The following HINFP variants were observed in gnomAD, a reference collection of about 807,000 sequenced individuals.
The protein encoded by HINFP is MBD2 (methyl-CpG-binding protein)-interacting zinc finger protein.
Under a neutral mutation model 50.1 loss-of-function variants are expected in HINFP, and 20 were observed. That is an observed-to-expected ratio of 0.40 (90% confidence interval 0.28 to 0.58). The LOEUF (loss-of-function observed/expected upper bound fraction) is 0.58, where lower values mean the gene tolerates loss of function less well. Ranked by LOEUF, HINFP falls within the 20% of genes least tolerant of loss-of-function variation. The pLI is 0.45. For synonymous variants in HINFP, 247 were observed against 243.7 expected (o/e 1.01, Z -0.13); for missense variants, 505 against 664.1 (o/e 0.76, Z 2.63).
intron 1 of HINFP, 75 bp from the exon 2 acceptor site, chr11:119,126,860 G>T: frequency 7.3e-7 from 1 of 1,374,166 alleles, no homozygotes; most frequent in South Asian, 1.4e-5. Context: ...TAGGCAGGCT[G>T]CCTGCCCAGC....
chr11:119,130,862 G>C lies in HINFP; in HGVS notation c.319G>C (p.Ala107Pro), dbSNP rs1271795107. 8.1e-6 allele frequency: 13 copies of C among 1,614,098 alleles called. 1 individual carries two copies. The highest frequency in any genetic ancestry group is 1.1e-5 in the Non-Finnish European group (13 of 1,180,040). Residue 107 changes from alanine to proline, a missense_variant, in exon 3 of 10, where the codon GCT becomes CCT. By Grantham distance (27) the Ala-to-Pro change is conservative (BLOSUM62 -1). Transcript: ENST00000350777. ...QWGLQALQSQ[A>P]DLGPCILDFQ... ...GGGGCTGCAGGCCTTGCAAAGCCAG[G>C]CTGACCTTGGCCCCTGCATCCTGGA... is the stretch of plus-strand genomic sequence containing the variant.
At chr11:119,126,354 C>CAAAAAAAAAAAAAAAAAAAAAAAAA in intron 1 of HINFP, 1 of 62,688 alleles carries the variant, frequency 1.6e-5, no homozygotes, top group Non-Finnish European at 3.7e-5. Context: ...AACTCAATCT[C>CAAAAAAAAAAAAAAAAAAAAAAAAA]AAAAAAAAAA....
At position 119,132,773 on chromosome 11, in the gene HINFP, T is replaced by G. The variant is rs1355454265; in HGVS notation, c.867T>G (p.Cys289Trp). The change falls in exon 7 of 10, where the codon TGT (cysteine) becomes TGG (tryptophan). Residue 289 changes from cysteine (C) to tryptophan (W), a missense_variant. Physicochemically the swap from Cys to Trp is radical, Grantham distance 215. Coordinates refer to ENST00000350777, the MANE Select transcript of HINFP (RefSeq NM_198971.3). ...SEDRPFKCDC[C>W]DYSCKNLIDL... The stretch of plus-strand genomic sequence containing the variant: ...ACCGGCCCTTTAAATGTGACTGTTG[T>G]GACTACAGGTAAGGGGGACCAGGGA... The G allele has an allele frequency of 6.2e-7, 1 of 1,613,654 alleles. No individual in the cohort carries two copies. Among genetic ancestry groups the G allele is most frequent in the South Asian group, 1.1e-5 (1 of 91,088 alleles).
chr11:119,130,900 G>C lies in HINFP; in HGVS notation c.357G>C (p.Arg119=). The C allele has an allele frequency of 6.2e-7, 1 of 1,614,210 alleles. No individual in the cohort carries two copies. The highest frequency in any genetic ancestry group is 8.5e-7 in the Non-Finnish European group (1 of 1,180,042). The change falls in exon 3 of 10, where the codon CGG becomes CGC. Residue 119 remains arginine (R), a synonymous_variant. Coordinates refer to ENST00000350777, the MANE Select transcript of HINFP (RefSeq NM_198971.3). ...LGPCILDFQS[R]NVIPDIPDHF... ...CCTGCATCCTGGACTTCCAGAGCCGGAACGTCATCCCTGATATCCCTGACC... is the reference window on the plus strand; with the variant it reads ...CCTGCATCCTGGACTTCCAGAGCCGCAACGTCATCCCTGATATCCCTGACC...
chr11:119,132,226 T>A (rs1947802829), intron 5 of HINFP: 1 of 617,316 alleles, frequency 1.6e-6, no homozygotes, highest in South Asian at 2.0e-5. Flanking sequence ...GTAGGCTTCT[T>A]ATCCCCCTTT....
At chr11:119,132,603 C>T (rs1947828304) in intron 6 of HINFP, 30 bp downstream of exon 6, 3 of 1,614,144 alleles carry the variant, frequency 1.9e-6, no homozygotes, top group Non-Finnish European at 2.5e-6. Flanking sequence ...CAGCCTCCCT[C>T]CTGCCCTCCA....
At chr11:119,122,720 GAT>G (rs776764707) in intron 1 of HINFP, among the ~76,000 whole-genome samples, 6 of 152,340 alleles carry the variant, frequency 3.9e-5, no homozygotes, top group Non-Finnish European at 8.8e-5. Flanking sequence ...TGATAGCAAA[GAT>G]GTGTGTGGAT....
rs996235349 is a variant in HINFP, at chr11:119,127,124, T to C, written c.180T>C (p.Leu60=). 6.2e-7 allele frequency: 1 copy of C among 1,608,684 alleles called. No homozygotes were observed. Among genetic ancestry groups the C allele is most frequent in the Non-Finnish European group, 8.5e-7 (1 of 1,178,244 alleles). Residue 60 remains leucine (L), a splice_region_variant and synonymous_variant, in exon 2 of 10, where the codon CTT becomes CTC. Transcript: ENST00000350777. Reference sequence around the variant, plus strand: ...AAGAGGAAGAGGAGGATGACCCACTTGGTAAGAGAGCAGGACACAGGAAGG... The same window carrying C: ...AAGAGGAAGAGGAGGATGACCCACTCGGTAAGAGAGCAGGACACAGGAAGG... ...EEEEEEEDDP[L]EEEFSCLWQE... is the part of the protein sequence containing the mutation.
rs1400844940 is a variant in HINFP at position 119,131,456 on chromosome 11, A to C, written c.412-79A>C. The C allele has an allele frequency of 1.1e-6, 1 of 939,638 alleles. No homozygotes were observed. Among genetic ancestry groups the C allele is most frequent in the Admixed American group, 1.7e-5 (1 of 58,564 alleles). The allele number at this position is 939,638 out of a possible 1,614,324, so 58.2% of individuals were successfully genotyped here. A position where few individuals can be genotyped will look rare whatever the true frequency, so the allele number is the denominator to read the frequency against. On this transcript the variant is annotated intron_variant, in intron 3 of 9. Coordinates refer to ENST00000350777, the MANE Select transcript of HINFP (RefSeq NM_198971.3). The surrounding 1 kb of genome is among the most constrained non-coding windows in gnomAD (Gnocchi z 4.2). ...TCCCCATCAAGTTAATTTGGGAGAG[A>C]GCCAAGAATTCTTCGGGCACATAGG... is the stretch of plus-strand genomic sequence containing the variant.
intron 2 of HINFP, chr11:119,129,715 C>G (rs553629073): frequency 1.3e-5 from 2 of 151,958 alleles, no homozygotes; most frequent in African/African-American, 4.8e-5. Flanking sequence ...CTGTCTGCCT[C>G]GGCCTCCCAA....
chr11:119,125,038 T>TG (rs1947314232), intron 1 of HINFP: 1 of 144,756 alleles, frequency 6.9e-6, no homozygotes, highest in Non-Finnish European at 1.5e-5. Flanking sequence ...TGTGTGTGTT[T>TG]TTTTTTTTTT....
rs971791962 is a variant in HINFP at position 119,131,066 on chromosome 11, C to G, written c.411+112C>G. 6.7e-6 allele frequency: 6 copies of G among 891,490 alleles called. No homozygotes were observed. The Admixed American group carries it at 1.2e-4, about 17-fold the overall frequency. The allele number at this position is 891,490 out of a possible 1,614,324, so 55.2% of individuals were successfully genotyped here. The stretch of plus-strand genomic sequence containing the variant: ...TTCCAAGATTCCTGCTAGTATCTCT[C>G]TTCCATTTCTTTTGCTCTTTTAAAA... On this transcript the variant is annotated intron_variant, in intron 3 of 9. Transcript: ENST00000350777. This position sits in a 1 kb window ranked among gnomAD's most constrained non-coding sequence, Gnocchi z 4.2.
chr11:119,123,954 G>A (rs1947242430), intron 1 of HINFP: 1 of 151,912 alleles, frequency 6.6e-6, no homozygotes, highest in Non-Finnish European at 1.5e-5. Context: ...CAAAGTGCTG[G>A]GATTACAGGC....
intron 2 of HINFP, among the ~76,000 whole-genome samples, chr11:119,129,262 A>G (rs1008093757): frequency 6.6e-6 from 1 of 151,982 alleles, no homozygotes; most frequent in Non-Finnish European, 1.5e-5. Context: ...GCTGGTCCCA[A>G]ACTCCTGACC....
intron 2 of HINFP, among the ~76,000 whole-genome samples, chr11:119,128,539 C>T (rs1947555939): frequency 2.0e-5 from 3 of 150,338 alleles, no homozygotes; most frequent in Non-Finnish European, 4.4e-5. Context: ...TGTTGGCCAG[C>T]CTGGTCTTGA....
At chr11:119,130,559 T>G in intron 2 of HINFP, 166 bp from the exon 3 acceptor site, 1 of 614,054 alleles carries the variant, frequency 1.6e-6, no homozygotes, top group Admixed American at 2.9e-5. Flanking sequence ...GGCACACAAT[T>G]TATGGTCATT....
Position 119,127,128 on chromosome 11 carries a change from A to C in HINFP, c.181+3A>C, listed in dbSNP as rs1565791388. Reference sequence around the variant, plus strand: ...GGAAGAGGAGGATGACCCACTTGGTAAGAGAGCAGGACACAGGAAGGGGAG... The same window carrying C: ...GGAAGAGGAGGATGACCCACTTGGTCAGAGAGCAGGACACAGGAAGGGGAG... On this transcript the variant is annotated splice_donor_region_variant and intron_variant, in intron 2 of 9. Coordinates refer to ENST00000350777, the MANE Select transcript of HINFP (RefSeq NM_198971.3). 6.2e-7 allele frequency: 1 copy of C among 1,607,554 alleles called. No homozygotes were observed. Among genetic ancestry groups the C allele is most frequent in the East Asian group, 2.2e-5 (1 of 44,778 alleles).
At position 119,132,575 on chromosome 11, in the gene HINFP, T is replaced by G. The variant is rs1331037329; in HGVS notation, c.754+2T>G. The G allele has an allele frequency of 6.2e-7, 1 of 1,614,098 alleles. No individual in the cohort carries two copies. Among genetic ancestry groups the G allele is most frequent in the South Asian group, 1.1e-5 (1 of 91,082 alleles). The stretch of plus-strand genomic sequence containing the variant: ...TGCGGGACCACATGCGCAACCATGG[T>G]GAGTGGCCTGCGGCCCACAGCCTCC... On this transcript the variant is annotated splice_donor_variant, in intron 6 of 9. Transcript: ENST00000350777. LOFTEE classifies it high-confidence loss of function.
intron 1 of HINFP, among the ~76,000 whole-genome samples, chr11:119,123,007 C>T (rs984410173): frequency 1.3e-5 from 2 of 150,966 alleles, no homozygotes; most frequent in South Asian, 2.1e-4. Context: ...CTTATAGTCC[C>T]AGCTATAATA....
Sources: allele counts gnomAD v4.1 joint callset (sites outside exome capture counted in the v4.1 genomes callset), GRCh38; gene constraint gnomAD v4.1.1; non-coding constraint Gnocchi (gnomAD v3.1); transcripts MANE v1.5; gene names NCBI Gene and HGNC (gene_info 2026-07-23, HGNC 2026-07-21).